CNTN5: variants seen among roughly 807,000 people sequenced by gnomAD.
CNTN5 encodes the protein contactin 5.
A neutral mutation model predicts 129.1 loss-of-function variants in CNTN5; 77 were observed. The ratio of observed to expected loss-of-function variants is 0.60; its 90% CI spans 0.50 to 0.72. The LOEUF is 0.72. CNTN5 is among the 30% of genes least tolerant of loss of function. The pLI, the probability that CNTN5 is intolerant of heterozygous loss-of-function variation, is 0.00. For missense variants in CNTN5, 1,478 were observed against 1,328.8 expected (o/e 1.11, Z -1.75); for synonymous variants, 509 against 465.6 (o/e 1.09, Z -1.20).
chr11:99,239,273 CA>C (rs535440301), intron 1 of CNTN5, among the ~76,000 whole-genome samples: 107 of 152,074 alleles, frequency 7.0e-4, no homozygotes, highest in African/African-American at 2.4e-3. Flanking sequence ...GAGATTTAGC[CA>C]AGTTTAATTA....
chr11:99,756,381 T>A (rs1899310), intron 3 of CNTN5, among the ~76,000 whole-genome samples: 37,952 of 152,000 alleles, frequency 0.25, 5,489 homozygotes, highest in East Asian at 0.62. Flanking sequence ...TGTGTATTAT[T>A]TGCATAGATT....
intron 1 of CNTN5, among the ~76,000 whole-genome samples, chr11:99,093,005 A>G (rs1373186511): frequency 1.3e-5 from 2 of 151,940 alleles, no homozygotes; most frequent in Admixed American, 1.3e-4. Flanking sequence ...TTGCTTATTT[A>G]TTTTATTATT....
intron 6 of CNTN5, among the ~76,000 whole-genome samples, chr11:99,852,984 A>G (rs1947921436): frequency 1.3e-5 from 2 of 152,182 alleles, no homozygotes; most frequent in African/African-American, 2.4e-5. Flanking sequence ...ACATATCATG[A>G]TAAAACAGCA....
intron 3 of CNTN5, among the ~76,000 whole-genome samples, chr11:99,720,159 T>C (rs1202396037): frequency 6.6e-6 from 1 of 152,110 alleles, no homozygotes; most frequent in Non-Finnish European, 1.5e-5. Context: ...GAGGGACTCC[T>C]CCACTCTATC....
intron 3 of CNTN5, among the ~76,000 whole-genome samples, chr11:99,767,627 C>CAAA (rs11308192): frequency 1.4e-5 from 2 of 144,552 alleles, no homozygotes; most frequent in African/African-American, 5.0e-5. Context: ...GTTTTTAAAC[C>CAAA]AAAAAAAAAA....
At chr11:99,587,865 A>G (rs1949850532) in intron 3 of CNTN5, among the ~76,000 whole-genome samples, 1 of 152,218 alleles carries the variant, frequency 6.6e-6, no homozygotes, top group Non-Finnish European at 1.5e-5. Flanking sequence ...GCTGAGTGAC[A>G]TTAGGAGCAG....
chr11:99,824,742 T>G (rs1946901505), intron 4 of CNTN5, among the ~76,000 whole-genome samples: 1 of 152,134 alleles, frequency 6.6e-6, no homozygotes, highest in Admixed American at 6.5e-5. Flanking sequence ...ATTATTTTTG[T>G]ATGTAATATG....
At chr11:99,563,860 T>A (rs139545073) in intron 3 of CNTN5, among the ~76,000 whole-genome samples, 29 of 152,276 alleles carry the variant, frequency 1.9e-4, no homozygotes, top group African/African-American at 6.7e-4. Context: ...CTCTGTTATA[T>A]TTGCTAATAT....
At chr11:99,687,211 G>T (rs558297856) in intron 3 of CNTN5, among the ~76,000 whole-genome samples, 5 of 152,046 alleles carry the variant, frequency 3.3e-5, no homozygotes, top group Non-Finnish European at 7.4e-5. Flanking sequence ...CGAAAGAAAA[G>T]AATGTACTGA....
intron 2 of CNTN5, among the ~76,000 whole-genome samples, chr11:99,327,818 T>C (rs576713635): frequency 3.6e-4 from 55 of 152,276 alleles, no homozygotes; most frequent in African/African-American, 1.1e-3. Context: ...AGAGGCAATA[T>C]ATATTAAAAG....
At chr11:99,637,421 C>T (rs1478545203) in intron 3 of CNTN5, among the ~76,000 whole-genome samples, 2 of 152,106 alleles carry the variant, frequency 1.3e-5, no homozygotes, top group Non-Finnish European at 2.9e-5. Flanking sequence ...TAAGCAAACA[C>T]ATCACATGGC....
intron 7 of CNTN5, among the ~76,000 whole-genome samples, chr11:99,949,898 A>G (rs7121263): frequency 0.37 from 56,673 of 152,026 alleles, 11,819 homozygotes; most frequent in African/African-American, 0.55. Context: ...TATTTTATTT[A>G]TCTTATGTTT....
intron 2 of CNTN5, among the ~76,000 whole-genome samples, chr11:99,326,495 C>G (rs1029911036): frequency 1.3e-5 from 2 of 152,226 alleles, no homozygotes; most frequent in Non-Finnish European, 2.9e-5. Context: ...AGAGAAGTTA[C>G]TAAATGTGGA....
chr11:100,148,964 T>C (rs1253566737), intron 13 of CNTN5, among the ~76,000 whole-genome samples: 1 of 152,154 alleles, frequency 6.6e-6, no homozygotes, highest in African/African-American at 2.4e-5. Flanking sequence ...TTGATGAACA[T>C]ATTAGTCGAA....
chr11:99,577,611 G>A (rs1325536239), intron 3 of CNTN5, among the ~76,000 whole-genome samples: 1 of 151,894 alleles, frequency 6.6e-6, no homozygotes, highest in Non-Finnish European at 1.5e-5. Context: ...TTTCCATTGA[G>A]CCCGATCATT....
intron 2 of CNTN5, among the ~76,000 whole-genome samples, chr11:99,539,487 A>G (rs1285278354): frequency 1.3e-5 from 2 of 151,588 alleles, no homozygotes; most frequent in Non-Finnish European, 3.0e-5. Flanking sequence ...TGAAAGAGAA[A>G]ACTAGTCTAA....
intron 21 of CNTN5, among the ~76,000 whole-genome samples, chr11:100,338,322 AT>A (rs1433629409): frequency 2.6e-5 from 4 of 152,162 alleles, no homozygotes; most frequent in Admixed American, 6.5e-5. Context: ...GGAAGAGGCA[AT>A]CCTAGACATG....
rs555989818 is a variant in CNTN5 at position 99,657,876 on chromosome 11, C to G, written c.55+101607C>G. On this transcript the variant is annotated intron_variant, in intron 3 of 24. Transcript: ENST00000524871. Reference sequence around the variant, plus strand: ...ATGAGATGTGTTAAGATTACTAGACCCATTCAGAATTTATTATAAAAGCAC... The same window carrying G: ...ATGAGATGTGTTAAGATTACTAGACGCATTCAGAATTTATTATAAAAGCAC... Among the ~76,000 whole-genome samples, 77 of 152,136 alleles carry G rather than the reference C, an allele frequency of 5.1e-4. 2 individuals are homozygous for G. Among genetic ancestry groups the G allele is most frequent in the Middle Eastern group, 6.8e-3 (2 of 294 alleles).
At chr11:99,903,519 T>A (rs1475999575) in intron 6 of CNTN5, among the ~76,000 whole-genome samples, 1 of 152,134 alleles carries the variant, frequency 6.6e-6, no homozygotes, top group African/African-American at 2.4e-5. Context: ...ACTCACCAGT[T>A]AATTATGTTT....
Sources: gnomAD v4.1 joint callset for allele counts (sites outside exome capture counted in the v4.1 genomes callset) on GRCh38, gnomAD v4.1.1 for gene constraint, MANE v1.5 for transcripts, NCBI Gene and HGNC (gene_info 2026-07-23, HGNC 2026-07-21) for gene names.